ARHGAP15: variants seen among roughly 807,000 people sequenced by gnomAD.
ARHGAP15 encodes the protein Rho GTPase activating protein 15.
Under a neutral mutation model 63.7 loss-of-function variants are expected in ARHGAP15, and 51 were observed. That is an observed-to-expected ratio of 0.80 (90% CI 0.64 to 1.01). ARHGAP15 has a LOEUF of 1.01. ARHGAP15 is among the 50% of genes least tolerant of loss of function. ARHGAP15 has a pLI of 0.00. For missense variants in ARHGAP15, 560 were observed against 564.6 expected, an observed-to-expected ratio of 0.99 and a Z score of 0.08; for synonymous variants, 191 against 193.8, an observed-to-expected ratio of 0.99 and a Z score of 0.12.
intron 6 of ARHGAP15, among the ~76,000 whole-genome samples, chr2:143,348,460 G>A (rs1202139920): frequency 2.0e-5 from 3 of 151,296 alleles, no homozygotes; most frequent in Non-Finnish European, 2.9e-5. Context: ...CTATTTTCAG[G>A]ATTAAAAAAA....
chr2:143,564,604 G>A (rs1696149096), intron 11 of ARHGAP15, among the ~76,000 whole-genome samples: 1 of 152,060 alleles, frequency 6.6e-6, no homozygotes, highest in Non-Finnish European at 1.5e-5. Flanking sequence ...GACTTACCAA[G>A]ACATAACATA....
At chr2:143,159,764 C>A (rs958612715) in intron 2 of ARHGAP15, among the ~76,000 whole-genome samples, 1 of 151,872 alleles carries the variant, frequency 6.6e-6, no homozygotes, top group Non-Finnish European at 1.5e-5. Context: ...TTGACTTCCT[C>A]ATAAATATAT....
chr2:143,490,358 G>T (rs1235950641), intron 9 of ARHGAP15, among the ~76,000 whole-genome samples: 1 of 152,150 alleles, frequency 6.6e-6, no homozygotes, highest in African/African-American at 2.4e-5. Flanking sequence ...GGTTGAGGAG[G>T]CTGGGCTTTG....
chr2:143,587,361 A>G (rs1697144678), intron 11 of ARHGAP15, among the ~76,000 whole-genome samples: 1 of 151,556 alleles, frequency 6.6e-6, no homozygotes, highest in Non-Finnish European at 1.5e-5. Flanking sequence ...TTGTTTTACT[A>G]AAGATTGAAG....
chr2:143,404,282 A>G (rs1194314381), intron 6 of ARHGAP15, among the ~76,000 whole-genome samples: 3 of 151,900 alleles, frequency 2.0e-5, no homozygotes, highest in East Asian at 1.9e-4. Context: ...ATTGGTAAAG[A>G]CAATGATAGT....
chr2:143,434,562 C>T (rs1186951536), intron 6 of ARHGAP15, among the ~76,000 whole-genome samples: 3 of 152,078 alleles, frequency 2.0e-5, no homozygotes, highest in South Asian at 2.1e-4. Context: ...CACATTTCAG[C>T]GTTCACCTCC....
intron 6 of ARHGAP15, among the ~76,000 whole-genome samples, chr2:143,278,206 T>G (rs1681661893): frequency 1.3e-5 from 2 of 152,182 alleles, no homozygotes; most frequent in South Asian, 4.1e-4. Flanking sequence ...CACTCACGGC[T>G]GCATGTTGCC....
chr2:143,520,852 A>C (rs1164625868), intron 10 of ARHGAP15, among the ~76,000 whole-genome samples: 1 of 152,180 alleles, frequency 6.6e-6, no homozygotes, highest in Non-Finnish European at 1.5e-5. Context: ...GCACATAATA[A>C]GATGTGTGCA....
chr2:143,581,587 G>A (rs775927587), intron 11 of ARHGAP15, among the ~76,000 whole-genome samples: 2 of 151,994 alleles, frequency 1.3e-5, no homozygotes, highest in Non-Finnish European at 2.9e-5. Context: ...TTCTCACTTC[G>A]AGAGCTTGAA....
At chr2:143,695,369 T>G (rs1327268006) in intron 12 of ARHGAP15, among the ~76,000 whole-genome samples, 1 of 152,130 alleles carries the variant, frequency 6.6e-6, no homozygotes, top group Non-Finnish European at 1.5e-5. Context: ...CAAGAAATTC[T>G]AGGAAGGACA....
chr2:143,231,899 A>G (rs963728360), intron 5 of ARHGAP15, among the ~76,000 whole-genome samples: 3 of 152,208 alleles, frequency 2.0e-5, no homozygotes, highest in African/African-American at 7.2e-5. Flanking sequence ...GTCTTTTCAC[A>G]TAAGGCCACT....
chr2:143,450,977 A>T (rs1690378866), intron 8 of ARHGAP15, among the ~76,000 whole-genome samples: 1 of 151,990 alleles, frequency 6.6e-6, no homozygotes, highest in Non-Finnish European at 1.5e-5. Flanking sequence ...AATAATTTGC[A>T]CATCATTTAA....
intron 6 of ARHGAP15, among the ~76,000 whole-genome samples, chr2:143,407,811 A>G (rs1179130344): frequency 2.7e-5 from 4 of 150,688 alleles, no homozygotes; most frequent in African/African-American, 7.3e-5. Context: ...GGCTCTCAGT[A>G]TGCTCGTTTT....
intron 8 of ARHGAP15, among the ~76,000 whole-genome samples, chr2:143,443,443 T>TCC (rs1390917601): frequency 6.6e-6 from 1 of 151,360 alleles, no homozygotes; most frequent in Non-Finnish European, 1.5e-5. Context: ...TTTTTTTTTT[T>TCC]CCCCAAAATA....
At chr2:143,730,490 TAAG>T (rs1450250992) in intron 13 of ARHGAP15, among the ~76,000 whole-genome samples, 1 of 152,166 alleles carries the variant, frequency 6.6e-6, no homozygotes, top group Admixed American at 6.5e-5. Flanking sequence ...AAGCCCCTTA[TAAG>T]AAGGATGCTG....
intron 12 of ARHGAP15, among the ~76,000 whole-genome samples, chr2:143,639,713 C>T (rs1356951071): frequency 6.6e-6 from 1 of 152,100 alleles, no homozygotes; most frequent in Non-Finnish European, 1.5e-5. Flanking sequence ...GGTGAAACTG[C>T]AGCAAAGTGT....
At chr2:143,383,309 C>T (rs1406969032) in intron 6 of ARHGAP15, among the ~76,000 whole-genome samples, 1 of 152,086 alleles carries the variant, frequency 6.6e-6, no homozygotes, top group Non-Finnish European at 1.5e-5. Flanking sequence ...AAATAGAACA[C>T]TTTTCTCAAG....
At chr2:143,348,044 T>A (rs1685373700) in intron 6 of ARHGAP15, among the ~76,000 whole-genome samples, 1 of 152,150 alleles carries the variant, frequency 6.6e-6, no homozygotes. Context: ...TAGAATGTCC[T>A]AAACATACTG....
chr2:143,251,063 C>A, intron 6 of ARHGAP15, among the ~76,000 whole-genome samples: 1 of 151,716 alleles, frequency 6.6e-6, no homozygotes, highest in Non-Finnish European at 1.5e-5. Context: ...AAAATAGATT[C>A]TTTCATATTG....
Sources: gnomAD v4.1 joint callset for allele counts (sites outside exome capture counted in the v4.1 genomes callset) on GRCh38, gnomAD v4.1.1 for gene constraint, MANE v1.5 for transcripts, NCBI Gene and HGNC (gene_info 2026-07-23, HGNC 2026-07-21) for gene names.